The following TMEM233 variants were observed in gnomAD, a reference collection of about 807,000 sequenced individuals.
The protein encoded by TMEM233 is dispanin subfamily B member 2.
In TMEM233, 6 loss-of-function variants were observed where a neutral mutation model predicts 11.2. The observed-to-expected ratio is 0.54, with a 90% CI of 0.29 to 1.06. The LOEUF (loss-of-function observed/expected upper bound fraction) is 1.06. Ranked by LOEUF, TMEM233 falls within the 50% of genes least tolerant of loss-of-function variation. The pLI, the probability that TMEM233 is intolerant of heterozygous loss-of-function variation, is 0.08. For missense variants in TMEM233, 127 were observed against 144.7 expected (o/e 0.88, Z 0.63); for synonymous variants, 59 against 55.8 (o/e 1.06, Z -0.26).
rs915592300 is a variant in TMEM233, at chr12:119,594,897, G to A, written c.186+863G>A. Among the ~76,000 whole-genome samples the A allele has an allele frequency of 1.2e-4, 19 of 152,136 alleles. No individual in the cohort carries two copies. Among genetic ancestry groups the A allele is most frequent in the African/African-American group, 4.6e-4 (19 of 41,520 alleles). ...CACTGGCCCTAACCTCTCTTCTCTTGGTGTCCCCCAGAGCTCCCAGGCGCC... is the reference window on the plus strand; with the variant it reads ...CACTGGCCCTAACCTCTCTTCTCTTAGTGTCCCCCAGAGCTCCCAGGCGCC... On this transcript the variant is annotated intron_variant, in intron 1 of 2. Transcript: ENST00000426426. The surrounding 1 kb of genome is among the most constrained non-coding windows in gnomAD (Gnocchi z 5.6).
In TMEM233 at chr12:119,597,469, T is replaced by TA. The variant is rs397724666; in HGVS notation, c.186+3446dup. Among the ~76,000 whole-genome samples, 1,173 of 146,230 alleles carry TA rather than the reference T, an allele frequency of 8.0e-3. 10 individuals are homozygous for TA. The highest frequency in any genetic ancestry group is 0.024 in the African/African-American group (961 of 39,440). On this transcript the variant is annotated intron_variant, in intron 1 of 2. Coordinates refer to ENST00000426426, the MANE Select transcript of TMEM233 (RefSeq NM_001136534.3). ...TCAAAATAATTAGTTTCCAGAATGG[T>TA]AAAAAAAAAAAGAGCCAACAATCTC...
At position 119,619,814 on chromosome 12, in the gene TMEM233, AT is replaced by A. The variant is rs140173959; in HGVS notation, c.187-9917del. 1.1e-3 allele frequency among the ~76,000 whole-genome samples: 169 copies of A among 152,206 alleles called. No homozygotes were observed. In the East Asian group the frequency reaches 0.03, roughly 27 times the overall value. On this transcript the variant is annotated intron_variant, in intron 1 of 2. Coordinates refer to ENST00000426426, the MANE Select transcript of TMEM233 (RefSeq NM_001136534.3). ...TTATTGAAGTTAATTTCACCTACTT[AT>A]TTTTACTTTTTTGATGTGGTTACTA... is the stretch of plus-strand genomic sequence containing the variant.
chr12:119,647,705 A>G (rs1234617806), downstream of TMEM233, among the ~76,000 whole-genome samples: 1 of 152,096 alleles, frequency 6.6e-6, no homozygotes, highest in Non-Finnish European at 1.5e-5. Flanking sequence ...TGCTGCACCT[A>G]TCAACCTATT....
At chr12:119,623,879 G>C (rs1208261343) in intron 1 of TMEM233, among the ~76,000 whole-genome samples, 1 of 152,162 alleles carries the variant, frequency 6.6e-6, no homozygotes, top group Non-Finnish European at 1.5e-5. Context: ...TTGAAAACTT[G>C]CCTTAGCTCT....
chr12:119,648,822 T>C, the TMEM233 span, among the ~76,000 whole-genome samples: 1 of 152,214 alleles, frequency 6.6e-6, no homozygotes, highest in Admixed American at 6.5e-5. Flanking sequence ...TCCTCCATCA[T>C]CATAGCTTTA....
chr12:119,615,849 G>A (rs1041127117), intron 1 of TMEM233, among the ~76,000 whole-genome samples: 10 of 152,110 alleles, frequency 6.6e-5, no homozygotes, highest in African/African-American at 2.4e-4. Flanking sequence ...CAAAATTTAT[G>A]GGGTTACTCT....
intron 1 of TMEM233, among the ~76,000 whole-genome samples, chr12:119,601,604 G>A (rs1162047682): frequency 1.3e-5 from 2 of 148,282 alleles, no homozygotes; most frequent in African/African-American, 2.5e-5. Flanking sequence ...CTTGCAGTGA[G>A]CCGAGATCGC....
chr12:119,613,747 T>G (rs1954461237), intron 1 of TMEM233, among the ~76,000 whole-genome samples: 1 of 151,914 alleles, frequency 6.6e-6, no homozygotes, highest in Admixed American at 6.6e-5. Flanking sequence ...CCCAAGAGTT[T>G]GAGGCTGCAC....
At chr12:119,608,756 A>G (rs894103532) in intron 1 of TMEM233, among the ~76,000 whole-genome samples, 2 of 152,222 alleles carry the variant, frequency 1.3e-5, no homozygotes, top group African/African-American at 4.8e-5. Context: ...CATGTGGGAA[A>G]CTTTCTACTG....
chr12:119,651,315 C>A, the TMEM233 span, among the ~76,000 whole-genome samples: 5 of 152,192 alleles, frequency 3.3e-5, no homozygotes, highest in African/African-American at 1.2e-4. Flanking sequence ...GGGAGTAGCT[C>A]TTCAGGCTAC....
At chr12:119,617,636 C>T (rs930943773) in intron 1 of TMEM233, among the ~76,000 whole-genome samples, 1 of 152,088 alleles carries the variant, frequency 6.6e-6, no homozygotes, top group Non-Finnish European at 1.5e-5. Flanking sequence ...GAGTTCGAGA[C>T]CAGCCTGACC....
At chr12:119,639,461 G>GAAAA (rs68174521) in intron 2 of TMEM233, among the ~76,000 whole-genome samples, 1 of 146,760 alleles carries the variant, frequency 6.8e-6, no homozygotes, top group Admixed American at 6.8e-5. Flanking sequence ...ACTAAAAATA[G>GAAAA]AAAAAAAAAA....
rs752405392 is a variant in TMEM233, at chr12:119,642,868, G to A, written c.*2163G>A. 1 of 151,968 alleles carries A rather than the reference G, an allele frequency of 6.6e-6. No individual in the cohort carries two copies. Among genetic ancestry groups the A allele is most frequent in the Non-Finnish European group, 1.5e-5 (1 of 68,024 alleles). The allele number at this position is 151,968 out of a possible 1,614,324, so 9.4% of individuals were successfully genotyped here. ...TTTACCCGGATGTTGTGATGAGCCA[G>A]CACTTGTCCCAGGAGGACGTTGAAT... On this transcript the variant is annotated 3_prime_UTR_variant, in exon 3 of 3. Transcript: ENST00000426426.
chr12:119,609,159 T>C (rs894165120), intron 1 of TMEM233, among the ~76,000 whole-genome samples: 8 of 152,180 alleles, frequency 5.3e-5, no homozygotes, highest in African/African-American at 1.7e-4. Flanking sequence ...TGGTCTCAGA[T>C]GGAGATAAGG....
chr12:119,640,906 C>T lies in TMEM233; in HGVS notation c.*201C>T, dbSNP rs1396345100. 1.4e-5 allele frequency: 7 copies of T among 515,668 alleles called. No homozygotes were observed. The highest frequency in any genetic ancestry group is 6.8e-5 in the Admixed American group (2 of 29,396). 31.9% of individuals were successfully genotyped at this position (515,668 alleles called of 1,614,324 possible). A position where few individuals can be genotyped will look rare whatever the true frequency, so the allele number is the denominator to read the frequency against. ...ATTTAGGCAATCCAAGCTGCACAGCCGGATCAGCCAAAGTCATTGATTTGT... is the reference window on the plus strand; with the variant it reads ...ATTTAGGCAATCCAAGCTGCACAGCTGGATCAGCCAAAGTCATTGATTTGT... On this transcript the variant is annotated 3_prime_UTR_variant, in exon 3 of 3. Coordinates refer to ENST00000426426, the MANE Select transcript of TMEM233 (RefSeq NM_001136534.3).
chr12:119,609,574 G>A (rs1189094883), intron 1 of TMEM233, among the ~76,000 whole-genome samples: 6 of 152,196 alleles, frequency 3.9e-5, no homozygotes, highest in Non-Finnish European at 8.8e-5. Context: ...GCCCCCTGCT[G>A]TGTGCAGCCT....
At chr12:119,636,256 T>C (rs1358475527) in intron 2 of TMEM233, among the ~76,000 whole-genome samples, 1 of 152,112 alleles carries the variant, frequency 6.6e-6, no homozygotes, top group African/African-American at 2.4e-5. Context: ...TGGGGAGCTC[T>C]GTGTCAGAAA....
At chr12:119,607,481 G>C (rs1395637878) in intron 1 of TMEM233, among the ~76,000 whole-genome samples, 1 of 151,910 alleles carries the variant, frequency 6.6e-6, no homozygotes, top group Non-Finnish European at 1.5e-5. Flanking sequence ...CCTATCAAAA[G>C]TTTTAATATT....
chr12:119,628,814 T>TA (rs1954815599), intron 1 of TMEM233, among the ~76,000 whole-genome samples: 1 of 152,054 alleles, frequency 6.6e-6, no homozygotes, highest in Non-Finnish European at 1.5e-5. Context: ...AGCTCACTCT[T>TA]AAATTCTTTC....
Sources: gnomAD v4.1 joint callset for allele counts (sites outside exome capture counted in the v4.1 genomes callset) on GRCh38, gnomAD v4.1.1 for gene constraint, Gnocchi (gnomAD v3.1) non-coding constraint, MANE v1.5 for transcripts, NCBI Gene and HGNC (gene_info 2026-07-23, HGNC 2026-07-21) for gene names.